The following PTPRN2 variants were observed in gnomAD, a reference collection of about 807,000 sequenced individuals.
The protein encoded by PTPRN2 is receptor-type tyrosine-protein phosphatase N2.
A neutral mutation model predicts 118.8 loss-of-function variants in PTPRN2; 74 were observed. The observed-to-expected ratio is 0.62, with a 90% CI of 0.52 to 0.76. PTPRN2 has a LOEUF of 0.76. Ranked by LOEUF, PTPRN2 falls within the 30% of genes least tolerant of loss-of-function variation. PTPRN2 has a pLI of 0.00. For missense variants in PTPRN2, 1,481 were observed against 1,394.4 expected, an observed-to-expected ratio of 1.06 and a Z score of -0.99; for synonymous variants, 641 against 608.0, an observed-to-expected ratio of 1.05 and a Z score of -0.80.
intron 2 of PTPRN2, among the ~76,000 whole-genome samples, chr7:158,446,238 T>C (rs1051256475): frequency 1.3e-5 from 2 of 152,234 alleles, no homozygotes; most frequent in African/African-American, 4.8e-5. Context: ...TGTGCCTGAA[T>C]GTGTGAGAGA....
At chr7:157,757,834 T>A (rs1479977735) in intron 12 of PTPRN2, among the ~76,000 whole-genome samples, 1 of 152,204 alleles carries the variant, frequency 6.6e-6, no homozygotes, top group African/African-American at 2.4e-5. Context: ...GAGCCCCAGC[T>A]GCTGAACTTA....
At chr7:157,771,781 A>ACACCCTCT (rs1554441223) in intron 12 of PTPRN2, among the ~76,000 whole-genome samples, 1 of 109,130 alleles carries the variant, frequency 9.2e-6, no homozygotes, top group Non-Finnish European at 1.7e-5. Flanking sequence ...AGACACAGAC[A>ACACCCTCT]CACACTCACA....
intron 12 of PTPRN2, among the ~76,000 whole-genome samples, chr7:157,887,488 A>AGTACCCAACCCCT: frequency 2.7e-5 from 1 of 36,776 alleles, no homozygotes; most frequent in African/African-American, 1.2e-4. Context: ...TGCTGCTGCC[A>AGTACCCAACCCCT]GTACCCACTC....
intron 2 of PTPRN2, among the ~76,000 whole-genome samples, chr7:158,373,152 C>T (rs995374696): frequency 2.0e-5 from 3 of 152,344 alleles, no homozygotes; most frequent in Middle Eastern, 3.4e-3. Flanking sequence ...GGAGCGTTAA[C>T]ATCGGCATTT....
At position 157,794,286 on chromosome 7, in the gene PTPRN2, C is replaced by A. The variant is rs962431316; in HGVS notation, c.1788+104387G>T. On this transcript the variant is annotated intron_variant, in intron 12 of 22. Coordinates refer to ENST00000389418, the MANE Select transcript of PTPRN2 (RefSeq NM_002847.5). The surrounding 1 kb of genome is among the most constrained non-coding windows in gnomAD (Gnocchi z 5.2). ...CTCGTTCTCTGCTCCGACCCGGGCT[C>A]ACACCTCCCCTCGTTCTCTGCTCTG... is the stretch of plus-strand genomic sequence containing the variant. Among the ~76,000 whole-genome samples the A allele has an allele frequency of 6.6e-6, 1 of 151,018 alleles. No homozygotes were observed. Among genetic ancestry groups the A allele is most frequent in the African/African-American group, 2.4e-5 (1 of 41,120 alleles).
chr7:157,607,941 T>C (rs1025793312), intron 15 of PTPRN2, among the ~76,000 whole-genome samples: 2 of 152,250 alleles, frequency 1.3e-5, no homozygotes, highest in East Asian at 3.9e-4. Flanking sequence ...GCCGAATTCA[T>C]TTCCCCCGAG....
chr7:157,946,934 A>T (rs1800523989), intron 11 of PTPRN2, among the ~76,000 whole-genome samples: 1 of 152,204 alleles, frequency 6.6e-6, no homozygotes, highest in Admixed American at 6.5e-5. Flanking sequence ...TGAGGGTCAA[A>T]GAATCAGGGG....
intron 4 of PTPRN2, among the ~76,000 whole-genome samples, chr7:158,199,227 G>A (rs1340598974): frequency 6.6e-6 from 1 of 152,042 alleles, no homozygotes; most frequent in Non-Finnish European, 1.5e-5. Flanking sequence ...CCCTTAGCGT[G>A]TTCTCAGGTT....
intron 11 of PTPRN2, among the ~76,000 whole-genome samples, chr7:157,982,736 G>C (rs1803383974): frequency 1.6e-5 from 2 of 122,418 alleles, no homozygotes; most frequent in Non-Finnish European, 3.3e-5. Context: ...CCGAGTCACA[G>C]AGACGAGGAG....
chr7:158,535,437 G>A (rs1825589778), intron 1 of PTPRN2, among the ~76,000 whole-genome samples: 1 of 152,162 alleles, frequency 6.6e-6, no homozygotes, highest in Non-Finnish European at 1.5e-5. Context: ...CCTGCAATGG[G>A]AGGGTACCTG....
rs1229154749 is a variant in PTPRN2, at chr7:157,590,011, G to C, written c.2496+5227C>G. On this transcript the variant is annotated intron_variant, in intron 17 of 22. Transcript: ENST00000389418. The surrounding 1 kb of genome is among the most constrained non-coding windows in gnomAD (Gnocchi z 4.0). ...ACTCTCTGGCTTCTTTTTCTGTTGT[G>C]TTTTGAATGTCAGCACCCTTTTTGA... Among the ~76,000 whole-genome samples, 1 of 152,212 alleles carries C rather than the reference G, an allele frequency of 6.6e-6. No homozygotes were observed. Among genetic ancestry groups the C allele is most frequent in the African/African-American group, 2.4e-5 (1 of 41,450 alleles).
chr7:158,319,400 A>ACACACACAGCCTCCCCCCACACT, intron 2 of PTPRN2, among the ~76,000 whole-genome samples: 1 of 6,238 alleles, frequency 1.6e-4, no homozygotes, highest in South Asian at 6.1e-3. Flanking sequence ...ACAGCCTCCC[A>ACACACACAGCCTCCCCCCACACT]CACACACACA....
intron 2 of PTPRN2, among the ~76,000 whole-genome samples, chr7:158,380,765 C>T (rs1810910258): frequency 6.6e-6 from 1 of 152,258 alleles, no homozygotes; most frequent in South Asian, 2.1e-4. Flanking sequence ...CAGAGGTTCT[C>T]CATGAGGGCC....
At chr7:157,728,591 A>C (rs6946736) in intron 12 of PTPRN2, among the ~76,000 whole-genome samples, 9 of 152,220 alleles carry the variant, frequency 5.9e-5, no homozygotes, top group South Asian at 2.1e-4. Context: ...TACACTCTTA[A>C]CTTATCCACA....
At chr7:157,843,720 C>T (rs1808596211) in intron 12 of PTPRN2, among the ~76,000 whole-genome samples, 1 of 152,234 alleles carries the variant, frequency 6.6e-6, no homozygotes, top group African/African-American at 2.4e-5. Context: ...CAGCGTGCCA[C>T]ACAATATCAT....
intron 3 of PTPRN2, among the ~76,000 whole-genome samples, chr7:158,270,780 A>G (rs187128707): frequency 0.16 from 11,007 of 67,084 alleles, 1,556 homozygotes; most frequent in African/African-American, 0.24. Flanking sequence ...GTCCACCTGG[A>G]CCACCCCTCC....
At chr7:157,696,202 C>A (rs372774984) in intron 12 of PTPRN2, among the ~76,000 whole-genome samples, 6 of 79,958 alleles carry the variant, frequency 7.5e-5, no homozygotes, top group South Asian at 1.1e-3. Flanking sequence ...TACCCATGCA[C>A]ACTGGGTCTT....
rs201126550 is a variant in PTPRN2, at chr7:158,270,730, C to T, written c.277+46089G>A. On this transcript the variant is annotated intron_variant, in intron 3 of 22. Coordinates refer to ENST00000389418, the MANE Select transcript of PTPRN2 (RefSeq NM_002847.5). Reference sequence around the variant, plus strand: ...CTGGGCTGCCCCTCTCCCTGGGGTGCCTTCTCTACCTGAGCCGTCTTCTCC... The same window carrying T: ...CTGGGCTGCCCCTCTCCCTGGGGTGTCTTCTCTACCTGAGCCGTCTTCTCC... 6.6e-5 allele frequency among the ~76,000 whole-genome samples: 10 copies of T among 151,124 alleles called. No homozygotes were observed. The East Asian group carries it at 1.7e-3, about 26-fold the overall frequency.
chr7:158,425,852 G>A (rs1815702763), intron 2 of PTPRN2, among the ~76,000 whole-genome samples: 1 of 135,456 alleles, frequency 7.4e-6, no homozygotes, highest in African/African-American at 3.1e-5. Flanking sequence ...GCGCACCGCC[G>A]GGAAAGACGC....
Sources: allele counts gnomAD v4.1 joint callset (sites outside exome capture counted in the v4.1 genomes callset), GRCh38; gene constraint gnomAD v4.1.1; non-coding constraint Gnocchi (gnomAD v3.1); transcripts MANE v1.5; gene names NCBI Gene and HGNC (gene_info 2026-07-23, HGNC 2026-07-21).